GP2: variants seen among roughly 807,000 people sequenced by gnomAD.
GP2 encodes the protein pancreatic secretory granule membrane major glycoprotein GP2.
A neutral mutation model predicts 60.8 loss-of-function variants in GP2; 58 were observed. The observed-to-expected ratio is 0.95, with a 90% CI of 0.77 to 1.19. The LOEUF (loss-of-function observed/expected upper bound fraction) is 1.19. Ranked by LOEUF, GP2 falls within the 50% of genes most tolerant of loss-of-function variation. The probability of loss-of-function intolerance (pLI) is 0.00; values close to 1 mark genes in which losing one functional copy is unlikely to be tolerated. For synonymous variants in GP2, 280 were observed against 253.4 expected (o/e 1.10, Z -1.00); for missense variants, 647 against 667.4 (o/e 0.97, Z 0.34).
At chr16:20,313,688 T>G (rs1354705606) in intron 10 of GP2, among the ~76,000 whole-genome samples, 1 of 152,192 alleles carries the variant, frequency 6.6e-6, no homozygotes, top group African/African-American at 2.4e-5. Flanking sequence ...AGAGTAAAGA[T>G]TACATTTCCT....
chr16:20,312,794 G>T (rs1174099871), intron 10 of GP2, among the ~76,000 whole-genome samples: 4 of 152,076 alleles, frequency 2.6e-5, no homozygotes, highest in Admixed American at 2.6e-4. Context: ...GGGATTACAG[G>T]CATGCACCAC....
At chr16:20,312,646 C>A (rs866506737) in intron 10 of GP2, among the ~76,000 whole-genome samples, 1 of 149,586 alleles carries the variant, frequency 6.7e-6, no homozygotes, top group Non-Finnish European at 1.5e-5. Flanking sequence ...AGGTTCTTGA[C>A]TTCAAGCTGC....
intron 9 of GP2, 91 bp from the exon 10 acceptor site, chr16:20,314,792 C>A: frequency 2.2e-6 from 2 of 905,040 alleles, no homozygotes; most frequent in African/African-American, 1.6e-5. Context: ...CCTCCTAGAC[C>A]TGGCCATCGC....
At chr16:20,319,881 C>A in intron 5 of GP2, 113 bp from the exon 6 acceptor site, 2 of 817,040 alleles carry the variant, frequency 2.4e-6, no homozygotes, top group African/African-American at 1.7e-5. Context: ...AGCCACCCTA[C>A]CTTCTGAGCT....
rs774474663 is a variant in GP2 at position 20,323,935 on chromosome 16, G to A, written c.416C>T (p.Ala139Val). 12 of 1,613,878 alleles carry A rather than the reference G, an allele frequency of 7.4e-6. No homozygotes were observed. Among genetic ancestry groups the A allele is most frequent in the East Asian group, 4.5e-5 (2 of 44,886 alleles). ...GDGITNHTACAHWSGNCCFWK... is the reference protein window; with the variant it reads ...GDGITNHTACVHWSGNCCFWK... ...GAAACAGCAGTTGCCACTCCAATGGGCACAGGCAGTGTGGTTGGTGATGCC... is the reference window on the plus strand; with the variant it reads ...GAAACAGCAGTTGCCACTCCAATGGACACAGGCAGTGTGGTTGGTGATGCC... The change falls in exon 3 of 11, where the codon GCC becomes GTC. Residue 139 changes from alanine (A) to valine (V), a missense_variant. Transcript: ENST00000302555.
rs372860303 is a variant in GP2, at chr16:20,326,381, G to A, written c.51C>T (p.Ala17=). Residue 17 remains alanine, a synonymous_variant, in exon 2 of 11, where the codon GCC becomes GCT. Coordinates refer to ENST00000302555, the MANE Select transcript of GP2 (RefSeq NM_001502.4). ...CCTGGGTCAGAATGCAGGAGACCAA[G>A]GCCAGCCACAGGAGGCCAGAGCCCA... ...RMVGSGLLWL[A]LVSCILTQAS... The A allele has an allele frequency of 1.2e-6, 2 of 1,613,812 alleles. No individual in the cohort carries two copies. Among genetic ancestry groups the A allele is most frequent in the African/African-American group, 2.7e-5 (2 of 74,910 alleles).
intron 10 of GP2, among the ~76,000 whole-genome samples, chr16:20,312,727 C>T (rs144258013): frequency 1.2e-4 from 18 of 152,026 alleles, no homozygotes; most frequent in African/African-American, 3.1e-4. Flanking sequence ...CTCAGCTCAC[C>T]GAAACCTCCT....
In GP2 at chr16:20,318,179, C is replaced by T. The variant is rs113632058; in HGVS notation, c.1253+6G>A. 164 of 1,612,090 alleles carry T rather than the reference C, an allele frequency of 1.0e-4. 1 individual carries two copies. The highest frequency in any genetic ancestry group is 9.6e-4 in the African/African-American group (72 of 75,000). ...GCCAAATGATAATTCCAGAATTGCT[C>T]GTTACCTGTTTCTGATGATGAAATA... is the stretch of plus-strand genomic sequence containing the variant. On this transcript the variant is annotated splice_donor_region_variant and intron_variant, in intron 7 of 10. Coordinates refer to ENST00000302555, the MANE Select transcript of GP2 (RefSeq NM_001502.4).
chr16:20,322,637 C>T (rs1477906213), intron 4 of GP2, among the ~76,000 whole-genome samples: 1 of 152,150 alleles, frequency 6.6e-6, no homozygotes, highest in African/African-American at 2.4e-5. Context: ...CATGTCAGAA[C>T]CATTTCCTGA....
chr16:20,314,522 G>T, intron 10 of GP2, 135 bp downstream of exon 10: 1 of 728,428 alleles, frequency 1.4e-6, no homozygotes. Context: ...TATACTGTGG[G>T]CATCTCAAAG....
chr16:20,323,996 TGGG>T lies in GP2; in HGVS notation c.352_354del (p.Pro118del). ...GCAGGGTGGGTCCCATTCAGCCACA[TGGG>T]AGCGTCTGTCTGGCATCGGTGCACC... On this transcript the variant is annotated inframe_deletion, in exon 3 of 11. Transcript: ENST00000302555. The T allele has an allele frequency of 6.2e-7, 1 of 1,614,148 alleles. No individual in the cohort carries two copies. Among genetic ancestry groups the T allele is most frequent in the Non-Finnish European group, 8.5e-7 (1 of 1,179,972 alleles).
In GP2 at chr16:20,314,644, G is replaced by T; in HGVS notation, c.1546+13C>A. 3 of 1,567,220 alleles carry T rather than the reference G, an allele frequency of 1.9e-6. No individual in the cohort carries two copies. Among genetic ancestry groups the T allele is most frequent in the Non-Finnish European group, 2.6e-6 (3 of 1,137,162 alleles). ...TGGGAAAGCTGTGGGAAAGGCATGA[G>T]AAAATGATGTACCTGCAGTGCTAGG... On this transcript the variant is annotated intron_variant, in intron 10 of 10. Transcript: ENST00000302555.
intron 8 of GP2, 42 bp from the exon 9 acceptor site, chr16:20,316,082 C>G: frequency 7.8e-7 from 1 of 1,286,264 alleles, no homozygotes. Flanking sequence ...AATTTAAATG[C>G]CTGGATTCTA....
chr16:20,314,826 C>T (rs1964108424), intron 9 of GP2, 125 bp from the exon 10 acceptor site: 1 of 748,408 alleles, frequency 1.3e-6, no homozygotes, highest in Non-Finnish European at 2.4e-6. Flanking sequence ...TTTGTGGCCA[C>T]ATTGTGGGGG....
intron 10 of GP2, 138 bp downstream of exon 10, chr16:20,314,519 T>C: frequency 1.4e-6 from 1 of 723,614 alleles, no homozygotes; most frequent in South Asian, 1.6e-5. Flanking sequence ...CACTATACTG[T>C]GGGCATCTCA....
At position 20,318,380 on chromosome 16, in the gene GP2, G is replaced by C; in HGVS notation, c.1058C>G (p.Ala353Gly). 1.2e-6 allele frequency: 2 copies of C among 1,611,946 alleles called. No individual in the cohort carries two copies. Among genetic ancestry groups the C allele is most frequent in the East Asian group, 2.2e-5 (1 of 44,860 alleles). The change falls in exon 7 of 11, where the codon GCC (alanine) becomes GGC (glycine). Residue 353 changes from alanine to glycine, a missense_variant. Ala to Gly is a moderately conservative substitution (Grantham distance 60). Coordinates refer to ENST00000302555, the MANE Select transcript of GP2 (RefSeq NM_001502.4). ...CGTGTAGTTCTGGTCTTGGAAGAGG[G>C]CCATCCTGACAATGAACTCTCCATT... is the stretch of plus-strand genomic sequence containing the variant. ...DGNGEFIVRM[A>G]LFQDQNYTNP...
intron 2 of GP2, among the ~76,000 whole-genome samples, chr16:20,325,643 TGAA>T (rs965849994): frequency 6.6e-6 from 1 of 152,190 alleles, no homozygotes; most frequent in African/African-American, 2.4e-5. Flanking sequence ...TGTAGATGCC[TGAA>T]GAAGGAGCTA....
chr16:20,316,809 G>A (rs1050420588), intron 8 of GP2, among the ~76,000 whole-genome samples: 1 of 149,244 alleles, frequency 6.7e-6, no homozygotes, highest in Admixed American at 6.7e-5. Context: ...ATCTCGTTCC[G>A]TCTCTTCATC....
At position 20,318,204 on chromosome 16, in the gene GP2, A is replaced by G. The variant is rs1964244206; in HGVS notation, c.1234T>C (p.Tyr412His). The change falls in exon 7 of 11, where the codon TAT becomes CAT. Residue 412 changes from tyrosine to histidine, a missense_variant. Physicochemically the swap from Tyr to His is moderately conservative, Grantham distance 83. Coordinates refer to ENST00000302555, the MANE Select transcript of GP2 (RefSeq NM_001502.4). ...PTEDKADLVKYFIIRNSCSNQ... is the reference protein window; with the variant it reads ...PTEDKADLVKHFIIRNSCSNQ... ...CGTTACCTGTTTCTGATGATGAAAT[A>G]CTTCACAAGGTCAGCCTTGTCTTCA... is the stretch of plus-strand genomic sequence containing the variant. 1.2e-6 allele frequency: 2 copies of G among 1,613,210 alleles called. No individual in the cohort carries two copies. The highest frequency in any genetic ancestry group is 1.7e-6 in the Non-Finnish European group (2 of 1,179,252).
Sources: allele counts gnomAD v4.1 joint callset (sites outside exome capture counted in the v4.1 genomes callset), GRCh38; gene constraint gnomAD v4.1.1; transcripts MANE v1.5; gene names NCBI Gene and HGNC (gene_info 2026-07-23, HGNC 2026-07-21).